SPSB4: variants seen among roughly 807,000 people sequenced by gnomAD.
SPSB4 encodes SPRY domain-containing SOCS box protein 4.
A neutral mutation model predicts 20.9 loss-of-function variants in SPSB4; 21 were observed. The ratio of observed to expected loss-of-function variants is 1.01; its 90% CI spans 0.71 to 1.45. SPSB4 has a LOEUF of 1.45. Ranked by LOEUF, SPSB4 falls within the 40% of genes most tolerant of loss-of-function variation. The probability of loss-of-function intolerance (pLI) is 0.00; values close to 1 mark genes in which losing one functional copy is unlikely to be tolerated. For synonymous variants in SPSB4, 207 were observed against 183.8 expected (o/e 1.13, Z -1.02); for missense variants, 399 against 399.2 (o/e 1.00, Z 0.00).
intron 1 of SPSB4, among the ~76,000 whole-genome samples, chr3:141,057,368 C>T (rs1937667811): frequency 6.6e-6 from 1 of 152,174 alleles, no homozygotes; most frequent in Non-Finnish European, 1.5e-5. Context: ...TCATTGGTAC[C>T]TTTGCACAGA....
At chr3:141,109,353 C>A (rs568784528) in intron 2 of SPSB4, among the ~76,000 whole-genome samples, 40 of 152,146 alleles carry the variant, frequency 2.6e-4, no homozygotes, top group Non-Finnish European at 5.4e-4. Flanking sequence ...AGCTTAGAGA[C>A]CTTCTCATTC....
At chr3:141,128,599 C>CGG (rs1490071912) in intron 2 of SPSB4, among the ~76,000 whole-genome samples, 1 of 152,086 alleles carries the variant, frequency 6.6e-6, no homozygotes, top group African/African-American at 2.4e-5. Context: ...AACGGGGTGC[C>CGG]GGCACAGAAT....
At chr3:141,135,522 G>A (rs992460720) in intron 2 of SPSB4, among the ~76,000 whole-genome samples, 1 of 147,542 alleles carries the variant, frequency 6.8e-6, no homozygotes, top group Non-Finnish European at 1.5e-5. Flanking sequence ...TCCCCGGTGT[G>A]TGATGTTCCC....
chr3:141,132,721 T>C (rs1439433467), intron 2 of SPSB4, among the ~76,000 whole-genome samples: 1 of 152,176 alleles, frequency 6.6e-6, no homozygotes, highest in East Asian at 1.9e-4. Context: ...TTAGGCTGTT[T>C]CCATAATTTT....
chr3:141,066,850 G>A, intron 2 of SPSB4, 52 bp downstream of exon 2: 5 of 1,479,018 alleles, frequency 3.4e-6, no homozygotes, highest in Non-Finnish European at 4.5e-6. Context: ...CCAGGCCCTA[G>A]GGAAGCTGGG....
intron 2 of SPSB4, among the ~76,000 whole-genome samples, chr3:141,092,759 C>G (rs1261703185): frequency 6.6e-6 from 1 of 152,230 alleles, no homozygotes; most frequent in Non-Finnish European, 1.5e-5. Context: ...AGGCAACATT[C>G]CCTGCACGGG....
chr3:141,084,270 G>C (rs967255479), intron 2 of SPSB4, among the ~76,000 whole-genome samples: 1 of 152,046 alleles, frequency 6.6e-6, no homozygotes, highest in African/African-American at 2.4e-5. Flanking sequence ...GAAGCATAGG[G>C]CTTGCTCAGC....
intron 1 of SPSB4, among the ~76,000 whole-genome samples, chr3:141,059,293 A>G (rs1374990437): frequency 1.8e-4 from 28 of 152,122 alleles, no homozygotes; most frequent in Admixed American, 1.8e-3. Flanking sequence ...GTGTTAGGCC[A>G]TTTTTGCATT....
chr3:141,110,596 G>C (rs573825529), intron 2 of SPSB4, among the ~76,000 whole-genome samples: 1 of 152,252 alleles, frequency 6.6e-6, no homozygotes, highest in Non-Finnish European at 1.5e-5. Context: ...GCTCATTGCT[G>C]TTCAGCAGGA....
intron 2 of SPSB4, among the ~76,000 whole-genome samples, chr3:141,109,018 C>T (rs1308215473): frequency 6.6e-6 from 1 of 152,230 alleles, no homozygotes; most frequent in Non-Finnish European, 1.5e-5. Context: ...GGTATTTATT[C>T]ATTCATCAAA....
At chr3:141,142,031 T>G (rs1939338539) in intron 2 of SPSB4, among the ~76,000 whole-genome samples, 1 of 152,224 alleles carries the variant, frequency 6.6e-6, no homozygotes. Context: ...ATTTTTTGTT[T>G]CAATTTCATT....
chr3:141,112,933 A>G (rs1315306815), intron 2 of SPSB4, among the ~76,000 whole-genome samples: 3 of 152,150 alleles, frequency 2.0e-5, no homozygotes, highest in Non-Finnish European at 2.9e-5. Flanking sequence ...AGCTAGGACA[A>G]TGGGCAAATG....
At position 141,096,813 on chromosome 3, in the gene SPSB4, T is replaced by G. The variant is rs575107650; in HGVS notation, c.694+30015T>G. ...TTTTAACTTTATGATTTTCTTTCAG[T>G]AGTTTTTGAACCAATAAATTCACCA... On this transcript the variant is annotated intron_variant, in intron 2 of 2. Transcript: ENST00000310546. 5.0e-4 allele frequency among the ~76,000 whole-genome samples: 76 copies of G among 152,356 alleles called. 2 individuals are homozygous for G. Among genetic ancestry groups the G allele is most frequent in the Admixed American group, 3.3e-3 (51 of 15,302 alleles).
At chr3:141,102,553 G>GGCA (rs1046432462) in intron 2 of SPSB4, among the ~76,000 whole-genome samples, 3 of 152,142 alleles carry the variant, frequency 2.0e-5, no homozygotes, top group South Asian at 2.1e-4. Flanking sequence ...AGGTATTCTA[G>GGCA]GCAGCAGCAG....
At chr3:141,104,226 C>T (rs760426761) in intron 2 of SPSB4, among the ~76,000 whole-genome samples, 1 of 151,866 alleles carries the variant, frequency 6.6e-6, no homozygotes, top group Non-Finnish European at 1.5e-5. Flanking sequence ...TGAAATGGGG[C>T]AGGAATGGGC....
intron 2 of SPSB4, among the ~76,000 whole-genome samples, chr3:141,119,575 C>T (rs1171822992): frequency 6.6e-6 from 1 of 152,202 alleles, no homozygotes; most frequent in Non-Finnish European, 1.5e-5. Context: ...TGCCGGTTTT[C>T]AAAGGGAATG....
At chr3:141,065,734 C>A (rs947955392) in intron 1 of SPSB4, among the ~76,000 whole-genome samples, 3 of 152,204 alleles carry the variant, frequency 2.0e-5, no homozygotes, top group Admixed American at 1.3e-4. Flanking sequence ...ATGTATATCT[C>A]TTATAGGGAG....
rs1253793305 is a variant in SPSB4, at chr3:141,066,349, A to G, written c.245A>G (p.Gln82Arg). The G allele has an allele frequency of 6.4e-7, 1 of 1,562,666 alleles. No individual in the cohort carries two copies. The highest frequency in any genetic ancestry group is 8.7e-7 in the Non-Finnish European group (1 of 1,155,844). The change falls in exon 2 of 3, where the codon CAG becomes CGG. Residue 82 changes from glutamine to arginine, a missense_variant. Transcript: ENST00000310546. ...RLTFHRHPVA[Q>R]STDGIRGKVG... Reference sequence around the variant, plus strand: ...ACCTTCCACCGGCACCCCGTGGCCCAGAGCACCGACGGCATCCGCGGCAAG... The same window carrying G: ...ACCTTCCACCGGCACCCCGTGGCCCGGAGCACCGACGGCATCCGCGGCAAG...
At chr3:141,064,177 G>A (rs1262881398) in intron 1 of SPSB4, among the ~76,000 whole-genome samples, 6 of 152,256 alleles carry the variant, frequency 3.9e-5, no homozygotes, top group Admixed American at 1.3e-4. Flanking sequence ...GCCACCACAG[G>A]TGTCTTCTCT....
Sources: gnomAD v4.1 joint callset for allele counts (sites outside exome capture counted in the v4.1 genomes callset) on GRCh38, gnomAD v4.1.1 for gene constraint, MANE v1.5 for transcripts, NCBI Gene and HGNC (gene_info 2026-07-23, HGNC 2026-07-21) for gene names.